DPP10: variants seen among roughly 807,000 people sequenced by gnomAD.
The protein encoded by DPP10 is dipeptidyl peptidase like 10, also known as inactive dipeptidyl peptidase 10.
Under a neutral mutation model 120.9 loss-of-function variants are expected in DPP10, and 33 were observed. The observed-to-expected ratio is 0.27, with a 90% CI of 0.21 to 0.37. The LOEUF is 0.37. Among genes scored for constraint, DPP10 ranks in the 10% least tolerant of loss-of-function variants. DPP10 has a pLI of 1.00. For synonymous variants in DPP10, 337 were observed against 326.1 expected, an observed-to-expected ratio of 1.03 and a Z score of -0.36; for missense variants, 816 against 942.8, an observed-to-expected ratio of 0.87 and a Z score of 1.76.
chr2:115,768,894 A>T (rs1681116306), intron 13 of DPP10, among the ~76,000 whole-genome samples: 1 of 151,998 alleles, frequency 6.6e-6, no homozygotes, highest in African/African-American at 2.4e-5. Flanking sequence ...AGGATAAAAT[A>T]GATGTTTTAT....
intron 1 of DPP10, among the ~76,000 whole-genome samples, chr2:114,804,956 T>C (rs1684593147): frequency 6.6e-6 from 1 of 152,150 alleles, no homozygotes; most frequent in Admixed American, 6.5e-5. Flanking sequence ...ATTTGAATTG[T>C]ATCTCCCAGA....
At chr2:115,722,977 AC>A (rs2092683330) in intron 7 of DPP10, among the ~76,000 whole-genome samples, 1 of 152,150 alleles carries the variant, frequency 6.6e-6, no homozygotes, top group Admixed American at 6.5e-5. Flanking sequence ...CACTCCCGTC[AC>A]CACTGCCACT....
chr2:115,527,941 G>T (rs1035600016), intron 5 of DPP10, among the ~76,000 whole-genome samples: 4 of 152,128 alleles, frequency 2.6e-5, no homozygotes, highest in African/African-American at 7.2e-5. Flanking sequence ...TACTTTGGAA[G>T]ATATTTTGAT....
chr2:115,035,381 C>G (rs897371919), intron 1 of DPP10, among the ~76,000 whole-genome samples: 1 of 152,114 alleles, frequency 6.6e-6, no homozygotes, highest in Non-Finnish European at 1.5e-5. Context: ...ATAATTGTTT[C>G]CACAATATCA....
intron 1 of DPP10, among the ~76,000 whole-genome samples, chr2:114,790,991 A>G (rs1336952673): frequency 6.6e-6 from 1 of 152,208 alleles, no homozygotes. Context: ...TATAGAATAT[A>G]AGAAAAAAAA....
chr2:115,761,140 C>G (rs114758672), intron 11 of DPP10, among the ~76,000 whole-genome samples: 1,695 of 148,666 alleles, frequency 0.011, 30 homozygotes, highest in African/African-American at 0.037. Flanking sequence ...GCATAGGTAG[C>G]TCACACCTGT....
At chr2:115,714,491 A>G (rs2092425263) in intron 7 of DPP10, among the ~76,000 whole-genome samples, 2 of 152,214 alleles carry the variant, frequency 1.3e-5, no homozygotes, top group South Asian at 4.1e-4. Context: ...TAAACAGTGA[A>G]TAATTTTTAA....
At position 114,527,710 on chromosome 2, in the gene DPP10, T is replaced by C. The variant is rs528827501; in HGVS notation, c.60+84872T>C. Among the ~76,000 whole-genome samples, 46 of 152,266 alleles carry C rather than the reference T, an allele frequency of 3.0e-4. No individual in the cohort carries two copies. The East Asian group carries it at 3.7e-3, about 12-fold the overall frequency. Reference sequence around the variant, plus strand: ...AATGTGTTGTTAGGCGATTTTGTCATTATGCAAACATCACAGAGTATACAT... The same window carrying C: ...AATGTGTTGTTAGGCGATTTTGTCACTATGCAAACATCACAGAGTATACAT... On this transcript the variant is annotated intron_variant, in intron 1 of 25. Transcript: ENST00000410059.
intron 1 of DPP10, among the ~76,000 whole-genome samples, chr2:114,886,553 G>A (rs1274486197): frequency 1.3e-5 from 2 of 152,100 alleles, no homozygotes; most frequent in Admixed American, 1.3e-4. Context: ...ATTTGGGGGT[G>A]GAAAGGTTGA....
rs561102084 is a variant in DPP10, at chr2:115,441,817, C to CTTTTTTTTTTTTTTT, written c.272-57688_272-57674dup. On this transcript the variant is annotated intron_variant, in intron 3 of 25. Coordinates refer to ENST00000410059, the MANE Select transcript of DPP10 (RefSeq NM_020868.6). Reference sequence around the variant, plus strand: ...AGACAAGTTTCTTTTTTCTTTCTTTCTTTTTTTTTTTTTTTTTTTGACAGA... The same window carrying CTTTTTTTTTTTTTTT: ...AGACAAGTTTCTTTTTTCTTTCTTTCTTTTTTTTTTTTTTTTTTTTTTTTTTTTTTTTTTGACAGA... Among the ~76,000 whole-genome samples, 19 of 124,476 alleles carry CTTTTTTTTTTTTTTT rather than the reference C, an allele frequency of 1.5e-4. 1 individual carries two copies. Among genetic ancestry groups the CTTTTTTTTTTTTTTT allele is most frequent in the Non-Finnish European group, 2.8e-4 (17 of 60,110 alleles). The allele number at this position is 124,476 out of a possible 152,430, so 81.7% of individuals were successfully genotyped here.
chr2:115,088,951 C>G (rs1709008023), intron 1 of DPP10, among the ~76,000 whole-genome samples: 2 of 151,902 alleles, frequency 1.3e-5, no homozygotes. Context: ...GCTGACTGAC[C>G]ATCCCTTGAC....
At chr2:115,315,276 T>TACACAC (rs138469343) in intron 2 of DPP10, among the ~76,000 whole-genome samples, 2 of 147,816 alleles carry the variant, frequency 1.4e-5, no homozygotes, top group Non-Finnish European at 3.0e-5. Flanking sequence ...CACACACACA[T>TACACAC]ACACACACAC....
rs545604807 is a variant in DPP10 at position 115,690,035 on chromosome 2, C to T, written c.576+114C>T. On this transcript the variant is annotated intron_variant, in intron 7 of 25. Coordinates refer to ENST00000410059, the MANE Select transcript of DPP10 (RefSeq NM_020868.6). ...ACTTGTCCTACAAAACTTTATGTTT[C>T]CCTAAGTCCTTTATATCTTTTATCT... The T allele has an allele frequency of 7.5e-6, 7 of 933,328 alleles. No homozygotes were observed. The African/African-American group carries it at 1.2e-4, about 15-fold the overall frequency. 57.8% of individuals were successfully genotyped at this position (933,328 alleles called of 1,614,324 possible).
intron 1 of DPP10, among the ~76,000 whole-genome samples, chr2:114,863,983 C>A (rs912673200): frequency 6.6e-6 from 1 of 152,012 alleles, no homozygotes; most frequent in African/African-American, 2.4e-5. Context: ...ATTGAAGGAC[C>A]TTTGTTTTGT....
At chr2:115,017,814 T>C (rs976357694) in intron 1 of DPP10, among the ~76,000 whole-genome samples, 5 of 140,536 alleles carry the variant, frequency 3.6e-5, no homozygotes, top group African/African-American at 1.4e-4. Context: ...TGAGAACACT[T>C]GGACACAGGT....
intron 5 of DPP10, among the ~76,000 whole-genome samples, chr2:115,672,867 C>T (rs1198251156): frequency 2.0e-5 from 3 of 151,686 alleles, no homozygotes; most frequent in African/African-American, 7.3e-5. Flanking sequence ...ATGCCTCAGC[C>T]TCCTGAGTAG....
At chr2:115,130,579 A>AT in intron 1 of DPP10, among the ~76,000 whole-genome samples, 1 of 151,378 alleles carries the variant, frequency 6.6e-6, no homozygotes, top group Non-Finnish European at 1.5e-5. Flanking sequence ...CTCTCTATAC[A>AT]TTTTTTATAA....
chr2:115,051,818 G>T (rs1347475662), intron 1 of DPP10, among the ~76,000 whole-genome samples: 1 of 102,290 alleles, frequency 9.8e-6, no homozygotes, highest in East Asian at 3.0e-4. Context: ...TAAGAGAGTA[G>T]ATCTCAAATG....
At chr2:115,474,454 A>C (rs556375439) in intron 3 of DPP10, among the ~76,000 whole-genome samples, 39 of 152,276 alleles carry the variant, frequency 2.6e-4, no homozygotes, top group African/African-American at 8.9e-4. Flanking sequence ...GAACGGACTA[A>C]TACAAAAAAT....
Sources: allele counts gnomAD v4.1 joint callset (sites outside exome capture counted in the v4.1 genomes callset), GRCh38; gene constraint gnomAD v4.1.1; transcripts MANE v1.5; gene names NCBI Gene and HGNC (gene_info 2026-07-23, HGNC 2026-07-21).